KCNQ1: variants seen among roughly 807,000 people sequenced by gnomAD.
KCNQ1 encodes potassium voltage-gated channel subfamily KQT member 1.
Under a neutral mutation model 72.4 loss-of-function variants are expected in KCNQ1, and 49 were observed. That is an observed-to-expected ratio of 0.68 (90% CI 0.54 to 0.86). KCNQ1 has a LOEUF of 0.86. Ranked by LOEUF, KCNQ1 falls within the 40% of genes least tolerant of loss-of-function variation. The pLI, the probability that KCNQ1 is intolerant of heterozygous loss-of-function variation, is 0.00. For missense variants in KCNQ1, 790 were observed against 945.1 expected (o/e 0.84, Z 2.15); for synonymous variants, 450 against 412.6 (o/e 1.09, Z -1.10).
At chr11:2,697,956 C>G in intron 11 of KCNQ1, 1 of 398,582 alleles carries the variant, frequency 2.5e-6, no homozygotes, top group Non-Finnish European at 4.4e-6. Flanking sequence ...TAAAATACAC[C>G]CATAATCAAG....
In KCNQ1 at chr11:2,690,138, G is replaced by A. The variant is rs998378169; in HGVS notation, c.1514+28057G>A. 5 of 398,946 alleles carry A rather than the reference G, an allele frequency of 1.3e-5. No individual in the cohort carries two copies. Among genetic ancestry groups the A allele is most frequent in the African/African-American group, 4.1e-5 (2 of 48,746 alleles). The allele number at this position is 398,946 out of a possible 1,614,324, so 24.7% of individuals were successfully genotyped here. On this transcript the variant is annotated intron_variant, in intron 11 of 15. Coordinates refer to ENST00000155840, the MANE Select transcript of KCNQ1 (RefSeq NM_000218.3). The surrounding 1 kb of genome is among the most constrained non-coding windows in gnomAD (Gnocchi z 5.1). Reference sequence around the variant, plus strand: ...AACTGGGGGAGCAGGGACAAAAAGCGGGCAGCCCTCCCCAGCATGACAGGA... The same window carrying A: ...AACTGGGGGAGCAGGGACAAAAAGCAGGCAGCCCTCCCCAGCATGACAGGA...
chr11:2,632,182 CAA>C (rs34998500), intron 10 of KCNQ1: 6,644 of 299,738 alleles, frequency 0.022, no homozygotes, highest in Middle Eastern at 0.038. Flanking sequence ...GACTCTGCCT[CAA>C]AAAAAAAAAA....
rs146320223 is a variant in KCNQ1 at position 2,590,685 on chromosome 11, C to T, written c.1393+1831C>T. Among the ~76,000 whole-genome samples the T allele has an allele frequency of 3.0e-3, 459 of 152,350 alleles. 3 individuals carry two copies. Among genetic ancestry groups the T allele is most frequent in the African/African-American group, 0.01 (420 of 41,582 alleles). ...GGTTTCTGCTCCTTGAAGTCTCAGC[C>T]CCCTTCTTCCATGATTCCAAGGCAT... On this transcript the variant is annotated intron_variant, in intron 10 of 15. Transcript: ENST00000155840.
At chr11:2,840,319 T>C (rs1190389476) in intron 15 of KCNQ1, 1 of 152,662 alleles carries the variant, frequency 6.6e-6, no homozygotes, top group Non-Finnish European at 1.5e-5. Flanking sequence ...AAAATCCACG[T>C]AGAAGTGCAC....
chr11:2,657,011 C>G lies in KCNQ1; in HGVS notation c.1394-4950C>G. 1 of 398,632 alleles carries G rather than the reference C, an allele frequency of 2.5e-6. No individual in the cohort carries two copies. Among genetic ancestry groups the G allele is most frequent in the South Asian group, 1.3e-4 (1 of 7,856 alleles). The allele number at this position is 398,632 out of a possible 1,614,324, so 24.7% of individuals were successfully genotyped here. A position where few individuals can be genotyped will look rare whatever the true frequency, so the allele number is the denominator to read the frequency against. On this transcript the variant is annotated intron_variant, in intron 10 of 15. Transcript: ENST00000155840. This position sits in a 1 kb window ranked among gnomAD's most constrained non-coding sequence, Gnocchi z 4.8. ...TCTTCCCAGGATGTGCAGGCCACCT[C>G]TGATACACAGCAAGCTTCCATATTT...
chr11:2,777,532 A>G, intron 14 of KCNQ1: 1 of 537,424 alleles, frequency 1.9e-6, no homozygotes, highest in Non-Finnish European at 3.2e-6. Context: ...GGGGAATGAC[A>G]GGGAAAAGGC....
At chr11:2,632,389 G>A (rs907326850) in intron 10 of KCNQ1, 13 of 398,188 alleles carry the variant, frequency 3.3e-5, no homozygotes, top group East Asian at 2.9e-4. Context: ...TGGCTAGAAA[G>A]CCACTACTAT....
At chr11:2,646,926 C>G (rs1023087103) in intron 10 of KCNQ1, 3 of 398,496 alleles carry the variant, frequency 7.5e-6, no homozygotes, top group Non-Finnish European at 1.3e-5. Flanking sequence ...TAAGATTATG[C>G]CATCTGCAAA....
chr11:2,513,262 TC>T (rs1401185712), intron 1 of KCNQ1, among the ~76,000 whole-genome samples: 7 of 152,166 alleles, frequency 4.6e-5, no homozygotes, highest in Admixed American at 3.9e-4. Flanking sequence ...TCTTTGCTCT[TC>T]TTGGCTGTTC....
rs866469017 is a variant in KCNQ1 at position 2,662,015 on chromosome 11, A to G, written c.1448A>G (p.Asn483Ser). ...EVSMPHFMRT[N>S]SFAEDLDLEG... The stretch of plus-strand genomic sequence containing the variant: ...AGCATGCCCCATTTCATGAGAACCA[A>G]CAGCTTCGCCGAGGACCTGGACCTG... The change falls in exon 11 of 16, where the codon AAC becomes AGC. Residue 483 changes from asparagine to serine, a missense_variant. By Grantham distance (46) the Asn-to-Ser change is conservative. This residue lies in a region of KCNQ1 where 178 missense variants were observed against 177.9 expected (regional missense o/e 1.00). Coordinates refer to ENST00000155840, the MANE Select transcript of KCNQ1 (RefSeq NM_000218.3). 1.3e-5 allele frequency: 21 copies of G among 1,614,204 alleles called. No homozygotes were observed. In the Middle Eastern group the frequency reaches 2.1e-3, roughly 165 times the overall value.
intron 11 of KCNQ1, among the ~76,000 whole-genome samples, chr11:2,732,108 G>A (rs991132472): frequency 1.3e-5 from 2 of 152,256 alleles, no homozygotes; most frequent in Non-Finnish European, 2.9e-5. Flanking sequence ...AGAGCCAGGA[G>A]TGCCTGCGTG....
chr11:2,818,201 C>T lies in KCNQ1; in HGVS notation c.1795-29566C>T, dbSNP rs558418850. Among the ~76,000 whole-genome samples, 26 of 152,306 alleles carry T rather than the reference C, an allele frequency of 1.7e-4. No homozygotes were observed. The highest frequency in any genetic ancestry group is 6.3e-4 in the African/African-American group (26 of 41,568). ...GCCCTAGGAAAGGGTCTTGTCTGCTCTTCCCCTCAGTGTCAGGTGACCCAA... is the reference window on the plus strand; with the variant it reads ...GCCCTAGGAAAGGGTCTTGTCTGCTTTTCCCCTCAGTGTCAGGTGACCCAA... On this transcript the variant is annotated intron_variant, in intron 15 of 15. Transcript: ENST00000155840. The surrounding 1 kb of genome is among the most constrained non-coding windows in gnomAD (Gnocchi z 7.2).
At chr11:2,732,002 G>A (rs1160035037) in intron 11 of KCNQ1, among the ~76,000 whole-genome samples, 5 of 152,262 alleles carry the variant, frequency 3.3e-5, no homozygotes, top group Non-Finnish European at 4.4e-5. Context: ...CCTGCAAGCC[G>A]TGGGCTCCTG....
At chr11:2,699,708 G>C (rs1850755482) in intron 11 of KCNQ1, 1 of 251,886 alleles carries the variant, frequency 4.0e-6, no homozygotes, top group South Asian at 2.4e-4. Context: ...GAGGAGAACG[G>C]CGCCGAGGAG....
rs1182825733 is a variant in KCNQ1 at position 2,818,074 on chromosome 11, T to C, written c.1795-29693T>C. Reference sequence around the variant, plus strand: ...TCCTGGCAAAAAAGTGGCAGGATTGTCTGAAAAACACATGGCCAGCCACCC... The same window carrying C: ...TCCTGGCAAAAAAGTGGCAGGATTGCCTGAAAAACACATGGCCAGCCACCC... On this transcript the variant is annotated intron_variant, in intron 15 of 15. Coordinates refer to ENST00000155840, the MANE Select transcript of KCNQ1 (RefSeq NM_000218.3). This position sits in a 1 kb window ranked among gnomAD's most constrained non-coding sequence, Gnocchi z 7.2. Among the ~76,000 whole-genome samples, 1 of 152,180 alleles carries C rather than the reference T, an allele frequency of 6.6e-6. No homozygotes were observed. Among genetic ancestry groups the C allele is most frequent in the African/African-American group, 2.4e-5 (1 of 41,444 alleles).
intron 11 of KCNQ1, among the ~76,000 whole-genome samples, chr11:2,757,012 G>A (rs1229513858): frequency 2.8e-5 from 3 of 105,520 alleles, no homozygotes; most frequent in South Asian, 7.4e-4. Context: ...ACACTTAATA[G>A]TGAAGAACAG....
chr11:2,489,944 G>T (rs892595150), intron 1 of KCNQ1, among the ~76,000 whole-genome samples: 2 of 152,114 alleles, frequency 1.3e-5, no homozygotes, highest in African/African-American at 4.8e-5. Flanking sequence ...GACCACAGTG[G>T]GGTAGAGCAC....
intron 15 of KCNQ1, among the ~76,000 whole-genome samples, chr11:2,802,607 G>T (rs778855760): frequency 1.9e-4 from 29 of 152,180 alleles, no homozygotes; most frequent in Non-Finnish European, 2.9e-4. Flanking sequence ...GGTCCCCAGG[G>T]TATAGGGCCA....
At position 2,762,629 on chromosome 11, in the gene KCNQ1, T is replaced by C. The variant is rs765500323; in HGVS notation, c.1515-6215T>C. On this transcript the variant is annotated intron_variant, in intron 11 of 15. Coordinates refer to ENST00000155840, the MANE Select transcript of KCNQ1 (RefSeq NM_000218.3). This position sits in a 1 kb window ranked among gnomAD's most constrained non-coding sequence, Gnocchi z 4.3. ...CAGCAGGAGGTGAGCGGTTGGCAAG[T>C]GAACGTGATCACCTGAGCTCCGCCT... Among the ~76,000 whole-genome samples the C allele has an allele frequency of 6.6e-6, 1 of 152,200 alleles. No homozygotes were observed. Among genetic ancestry groups the C allele is most frequent in the African/African-American group, 2.4e-5 (1 of 41,438 alleles).
Sources: allele counts gnomAD v4.1 joint callset (sites outside exome capture counted in the v4.1 genomes callset), GRCh38; gene constraint gnomAD v4.1.1; regional missense constraint gnomAD v4.1.1; non-coding constraint Gnocchi (gnomAD v3.1); transcripts MANE v1.5; gene names NCBI Gene and HGNC (gene_info 2026-07-23, HGNC 2026-07-21).